PIP4P1: variants seen among roughly 807,000 people sequenced by gnomAD.
PIP4P1 encodes type 1 phosphatidylinositol 4,5-bisphosphate 4-phosphatase.
Under a neutral mutation model 32.3 loss-of-function variants are expected in PIP4P1, and 14 were observed. That is an observed-to-expected ratio of 0.43 (90% CI 0.29 to 0.68). The LOEUF is 0.68. Ranked by LOEUF, PIP4P1 falls within the 30% of genes least tolerant of loss-of-function variation. The pLI, the probability that PIP4P1 is intolerant of heterozygous loss-of-function variation, is 0.15. For synonymous variants in PIP4P1, 132 were observed against 137.9 expected, an observed-to-expected ratio of 0.96 and a Z score of 0.30; for missense variants, 289 against 364.5, an observed-to-expected ratio of 0.79 and a Z score of 1.69.
At chr14:20,459,120 A>AC (rs1881592952) in intron 6 of PIP4P1, 86 bp downstream of exon 6, 1 of 1,414,248 alleles carries the variant, frequency 7.1e-7, no homozygotes, top group Non-Finnish European at 9.8e-7. Flanking sequence ...AGTTTCTTCC[A>AC]CTTTTTTTTA....
intron 6 of PIP4P1, 82 bp downstream of exon 6, chr14:20,459,120 ACTTT>A: frequency 3.5e-6 from 5 of 1,414,368 alleles, no homozygotes; most frequent in Non-Finnish European, 4.9e-6. Context: ...AGTTTCTTCC[ACTTT>A]TTTTTAGGGT....
chr14:20,458,885 A>G (rs1416441680), intron 6 of PIP4P1, 183 bp from the exon 7 acceptor site: 1 of 718,950 alleles, frequency 1.4e-6, no homozygotes, highest in African/African-American at 1.8e-5. Context: ...TAGGCGTAAC[A>G]TACTCATCCC....
At chr14:20,458,888 C>T in intron 6 of PIP4P1, 186 bp from the exon 7 acceptor site, 1 of 703,020 alleles carries the variant, frequency 1.4e-6, no homozygotes, top group Non-Finnish European at 2.3e-6. Context: ...GCGTAACATA[C>T]TCATCCCATC....
At chr14:20,460,951 G>A in intron 1 of PIP4P1, 106 bp from the exon 2 acceptor site, 3 of 1,352,722 alleles carry the variant, frequency 2.2e-6, no homozygotes, top group Non-Finnish European at 2.0e-6. Context: ...CAAGCTCGGA[G>A]GGCTTCTCAT....
In PIP4P1 at chr14:20,459,679, G is replaced by A. The variant is rs374085874; in HGVS notation, c.495C>T (p.Pro165=). Residue 165 remains proline (P), a synonymous_variant, in exon 4 of 7, where the codon CCC becomes CCT. Transcript: ENST00000250489. ...AGATAACCCTGACACCCATGGGTTG[G>A]GGTTCTGGACTCAGAGGTCCGGGAT... ...PVHPGPLSPE[P]QPMGVRVICG... is the part of the protein sequence containing the mutation. The A allele has an allele frequency of 4.3e-6, 7 of 1,613,974 alleles. No individual in the cohort carries two copies. Among genetic ancestry groups the A allele is most frequent in the African/African-American group, 1.3e-5 (1 of 74,878 alleles).
chr14:20,459,187 T>A lies in PIP4P1; in HGVS notation c.690+19A>T, dbSNP rs199689793. On this transcript the variant is annotated intron_variant, in intron 6 of 6. Transcript: ENST00000250489. The stretch of plus-strand genomic sequence containing the variant: ...AGATGAGGCTGCAGAATGAAAGAGG[T>A]TGGGGCAAGGGTACTCACGGCAAGG... 6.2e-7 allele frequency: 1 copy of A among 1,613,304 alleles called. No homozygotes were observed. The highest frequency in any genetic ancestry group is 2.2e-5 in the East Asian group (1 of 44,868).
At chr14:20,461,130 C>A in intron 1 of PIP4P1, 54 bp downstream of exon 1, 1 of 1,268,416 alleles carries the variant, frequency 7.9e-7, no homozygotes, top group Non-Finnish European at 1.0e-6. Context: ...TTCAGAGTAC[C>A]CCGGGGAGCA....
At chr14:20,460,405 G>A (rs776293983) in intron 2 of PIP4P1, 107 bp from the exon 3 acceptor site, 40 of 878,842 alleles carry the variant, frequency 4.6e-5, no homozygotes, top group Non-Finnish European at 6.7e-5. Context: ...TAACCAGGAA[G>A]GAGAAATAAA....
At chr14:20,461,022 T>A in intron 1 of PIP4P1, 162 bp downstream of exon 1, 1 of 1,256,372 alleles carries the variant, frequency 8.0e-7, no homozygotes, top group South Asian at 2.3e-5. Flanking sequence ...TGGTCGCGAT[T>A]ACGGAGGGAA....
chr14:20,458,782 A>G (rs1471719882), intron 6 of PIP4P1, 80 bp from the exon 7 acceptor site: 2 of 1,519,908 alleles, frequency 1.3e-6, no homozygotes, highest in Non-Finnish European at 1.8e-6. Flanking sequence ...TTCTAAGAAC[A>G]GTAATAACTC....
chr14:20,460,338 C>A (rs762657856), intron 2 of PIP4P1, 40 bp from the exon 3 acceptor site: 8 of 1,442,794 alleles, frequency 5.5e-6, no homozygotes, highest in Non-Finnish European at 7.8e-6. Context: ...AACCTCTAAT[C>A]CCAATCCCCT....
At chr14:20,458,845 T>A in intron 6 of PIP4P1, 143 bp from the exon 7 acceptor site, 2 of 1,027,772 alleles carry the variant, frequency 1.9e-6, no homozygotes, top group Non-Finnish European at 2.8e-6. Flanking sequence ...GGGACCTTCT[T>A]AAAGGCAGAG....
In PIP4P1 at chr14:20,458,302, T is replaced by G; in HGVS notation, c.*257A>C. The G allele has an allele frequency of 1.6e-6, 1 of 612,842 alleles. No individual in the cohort carries two copies. 38.0% of individuals were successfully genotyped at this position (612,842 alleles called of 1,614,324 possible). ...GGCTGGAACCGTCTTCAGGGCCCAGTTTTAAGGGCAACGTTTTGCCTACTT... is the reference window on the plus strand; with the variant it reads ...GGCTGGAACCGTCTTCAGGGCCCAGGTTTAAGGGCAACGTTTTGCCTACTT... On this transcript the variant is annotated 3_prime_UTR_variant, in exon 7 of 7. Transcript: ENST00000250489.
chr14:20,459,003 G>A (rs1187833061), intron 6 of PIP4P1: 3 of 641,068 alleles, frequency 4.7e-6, no homozygotes, highest in Non-Finnish European at 5.3e-6. Context: ...ATCCTACAGA[G>A]AAAGGAAGGC....
At position 20,458,497 on chromosome 14, in the gene PIP4P1, C is replaced by T; in HGVS notation, c.*62G>A. 31 of 1,603,918 alleles carry T rather than the reference C, an allele frequency of 1.9e-5. No individual in the cohort carries two copies. The highest frequency in any genetic ancestry group is 2.6e-5 in the Non-Finnish European group (30 of 1,174,758). Reference sequence around the variant, plus strand: ...CCGGGAGCCTTTAACTACCCCAGCTCCCTTCGTAGTGTCACTGTCCCCACC... The same window carrying T: ...CCGGGAGCCTTTAACTACCCCAGCTTCCTTCGTAGTGTCACTGTCCCCACC... On this transcript the variant is annotated 3_prime_UTR_variant, in exon 7 of 7. Coordinates refer to ENST00000250489, the MANE Select transcript of PIP4P1 (RefSeq NM_144568.4).
In PIP4P1 at chr14:20,461,172, G is replaced by A. The variant is rs1272325143; in HGVS notation, c.142+12C>T. 2 of 1,261,264 alleles carry A rather than the reference G, an allele frequency of 1.6e-6. No homozygotes were observed. The highest frequency in any genetic ancestry group is 2.0e-6 in the Non-Finnish European group (2 of 998,030). The allele number at this position is 1,261,264 out of a possible 1,614,324, so 78.1% of individuals were successfully genotyped here. On this transcript the variant is annotated intron_variant, in intron 1 of 6. Coordinates refer to ENST00000250489, the MANE Select transcript of PIP4P1 (RefSeq NM_144568.4). The stretch of plus-strand genomic sequence containing the variant: ...ACCCGCCCCGGCTTACCCTGGGGCG[G>A]GGCATGTTTACCGGCTCCGTACGGT...
Position 20,461,361 on chromosome 14 carries a change from C to T in PIP4P1, c.-36G>A. The T allele has an allele frequency of 4.0e-6, 5 of 1,258,716 alleles. No homozygotes were observed. Among genetic ancestry groups the T allele is most frequent in the Non-Finnish European group, 5.0e-6 (5 of 1,002,536 alleles). 78.0% of individuals were successfully genotyped at this position (1,258,716 alleles called of 1,614,324 possible). A position where few individuals can be genotyped will look rare whatever the true frequency, so the allele number is the denominator to read the frequency against. ...GCCGCCTCCCGCTCAGGTCGGCGATCCGGCTCCCTTCGCCTCTGCCGTCGC... is the reference window on the plus strand; with the variant it reads ...GCCGCCTCCCGCTCAGGTCGGCGATTCGGCTCCCTTCGCCTCTGCCGTCGC... On this transcript the variant is annotated 5_prime_UTR_variant, in exon 1 of 7. Transcript: ENST00000250489.
At position 20,459,446 on chromosome 14, in the gene PIP4P1, G is replaced by C; in HGVS notation, c.547-6C>G. ...CGGTCTGTGAACTCTGTCCACTATG[G>C]AGAAAGAAAACAAAAATAATAGCAC... On this transcript the variant is annotated splice_region_variant and splice_polypyrimidine_tract_variant and intron_variant, in intron 4 of 6. Coordinates refer to ENST00000250489, the MANE Select transcript of PIP4P1 (RefSeq NM_144568.4). 6.2e-7 allele frequency: 1 copy of C among 1,614,134 alleles called. No individual in the cohort carries two copies. The highest frequency in any genetic ancestry group is 8.5e-7 in the Non-Finnish European group (1 of 1,180,030).
chr14:20,461,133 G>C lies in PIP4P1; in HGVS notation c.142+51C>G, dbSNP rs753285977. On this transcript the variant is annotated intron_variant, in intron 1 of 6. Transcript: ENST00000250489. ...CCCTCCCCGGCTTTCAGAGTACCCC[G>C]GGGAGCACCTCGGACCCGCCCCGGC... The C allele has an allele frequency of 6.3e-6, 8 of 1,267,736 alleles. No homozygotes were observed. The South Asian group carries it at 2.2e-4, about 36-fold the overall frequency. The allele number at this position is 1,267,736 out of a possible 1,614,324, so 78.5% of individuals were successfully genotyped here.
Sources: gnomAD v4.1 joint callset for allele counts on GRCh38, gnomAD v4.1.1 for gene constraint, MANE v1.5 for transcripts, NCBI Gene and HGNC (gene_info 2026-07-23, HGNC 2026-07-21) for gene names.